TRIOBP: variants seen among roughly 807,000 people sequenced by gnomAD.
The protein encoded by TRIOBP is TRIO and F-actin-binding protein.
Under a neutral mutation model 238.8 loss-of-function variants are expected in TRIOBP, and 169 were observed. The ratio of observed to expected loss-of-function variants is 0.71; its 90% CI spans 0.62 to 0.80. TRIOBP has a LOEUF of 0.80. Among genes scored for constraint, TRIOBP ranks in the 30% least tolerant of loss-of-function variants. TRIOBP has a pLI of 0.00. For missense variants in TRIOBP, 2,838 were observed against 3,122.6 expected (o/e 0.91, Z 2.17); for synonymous variants, 1,150 against 1,274.4 (o/e 0.90, Z 2.08).
chr22:37,771,837 T>G (rs779253799), intron 22 of TRIOBP, 101 bp downstream of exon 22: 8 of 1,046,400 alleles, frequency 7.6e-6, no homozygotes, highest in Non-Finnish European at 1.0e-5. Context: ...ACTCGCTTCA[T>G]CCTTCCTCAG....
Position 37,702,096 on chromosome 22 carries a change from GTC to G in TRIOBP, c.114+620_114+621del, listed in dbSNP as rs766791126. Among the ~76,000 whole-genome samples the G allele has an allele frequency of 2.6e-5, 4 of 152,074 alleles. No individual in the cohort carries two copies. The South Asian group carries it at 6.2e-4, about 24-fold the overall frequency. ...CCAGCCTGGGCAACAGAATGAAACT[GTC>G]TCAAAAAACAAAACAAAACAAAACA... On this transcript the variant is annotated intron_variant, in intron 3 of 23. Transcript: ENST00000644935.
Position 37,725,059 on chromosome 22 carries a change from A to G in TRIOBP, c.2503A>G (p.Lys835Glu). Reference protein sequence around the residue: ...RSSSTQQDNPKTSCTKRDNLR... With the variant: ...RSSSTQQDNPETSCTKRDNLR... Reference sequence around the variant, plus strand: ...ATCTTCTACCCAACAAGACAACCCTAAAACCTCTTGTACCAAACGAGATAA... The same window carrying G: ...ATCTTCTACCCAACAAGACAACCCTGAAACCTCTTGTACCAAACGAGATAA... Residue 835 changes from lysine (K) to glutamate (E), a missense_variant, in exon 7 of 24, where the codon AAA becomes GAA. By Grantham distance (56) the Lys-to-Glu change is moderately conservative. This residue lies in a region of TRIOBP where 2,096 missense variants were observed against 2,137.4 expected (regional missense o/e 0.98). Coordinates refer to ENST00000644935, the MANE Select transcript of TRIOBP (RefSeq NM_001039141.3). 1 of 1,614,204 alleles carries G rather than the reference A, an allele frequency of 6.2e-7. No individual in the cohort carries two copies. The highest frequency in any genetic ancestry group is 8.5e-7 in the Non-Finnish European group (1 of 1,180,038).
rs62236749 is a variant in TRIOBP at position 37,723,752 on chromosome 22, G to A, written c.1196G>A (p.Arg399Gln). The part of the protein sequence containing the change: ...RASSPNRTTQ[R>Q]ENSRTSCAQR... ...TCCTCTCCCAACAGAACCACTCAAC[G>A]AGAGAATTCCAGAACATCCTGTGCC... Residue 399 changes from arginine (R) to glutamine (Q), a missense_variant, in exon 7 of 24, where the codon CGA becomes CAA. Arg to Gln is a conservative substitution (Grantham distance 43). Coordinates refer to ENST00000644935, the MANE Select transcript of TRIOBP (RefSeq NM_001039141.3). 4.4e-6 allele frequency: 7 copies of A among 1,604,708 alleles called. No homozygotes were observed. The highest frequency in any genetic ancestry group is 2.3e-5 in the East Asian group (1 of 44,222).
chr22:37,751,645 T>C, intron 11 of TRIOBP, 127 bp from the exon 12 acceptor site: 1 of 1,068,764 alleles, frequency 9.4e-7, no homozygotes, highest in Non-Finnish European at 1.4e-6. Context: ...CTTAGCCCTC[T>C]TGGCTGGCTT....
rs1923211570 is a variant in TRIOBP at position 37,711,053 on chromosome 22, C to T, written c.254+487C>T. Among the ~76,000 whole-genome samples, 3 of 152,336 alleles carry T rather than the reference C, an allele frequency of 2.0e-5. No individual in the cohort carries two copies. The South Asian group carries it at 6.2e-4, about 32-fold the overall frequency. ...TCTGGGGTTCCTTCCACCCTCAGGC[C>T]TGAGTGGCAGTCCCCCTTTAAGGTC... On this transcript the variant is annotated intron_variant, in intron 4 of 23. Coordinates refer to ENST00000644935, the MANE Select transcript of TRIOBP (RefSeq NM_001039141.3).
At position 37,771,667 on chromosome 22, in the gene TRIOBP, A is replaced by G. The variant is rs749505685; in HGVS notation, c.6867A>G (p.Lys2289=). 10 of 1,614,008 alleles carry G rather than the reference A, an allele frequency of 6.2e-6. No homozygotes were observed. The Admixed American group carries it at 1.5e-4, about 24-fold the overall frequency. The part of the protein sequence containing the change: ...SCELEVLLRV[K]ENELQYLKKE... ...ATCCCCAGGTGCTGCTTCGCGTAAA[A>G]GAAAACGAACTCCAGTACCTAAAGA... The change falls in exon 22 of 24, where the codon AAA becomes AAG. Residue 2289 remains lysine (K), a synonymous_variant. Transcript: ENST00000644935.
Position 37,726,512 on chromosome 22 carries a change from G to A in TRIOBP, c.3947+9G>A, listed in dbSNP as rs775362436. ...TTCGGGCAAGAGCGCAGGTGAGCCC[G>A]GGGGTGGGGTCAGCCAGGTGGGCTG... On this transcript the variant is annotated intron_variant, in intron 7 of 23. Coordinates refer to ENST00000644935, the MANE Select transcript of TRIOBP (RefSeq NM_001039141.3). 8.1e-6 allele frequency: 12 copies of A among 1,476,170 alleles called. No homozygotes were observed. The highest frequency in any genetic ancestry group is 4.2e-5 in the African/African-American group (3 of 71,436). The allele number at this position is 1,476,170 out of a possible 1,614,324, so 91.4% of individuals were successfully genotyped here.
chr22:37,707,866 C>T (rs547289410), intron 3 of TRIOBP, among the ~76,000 whole-genome samples: 230 of 149,108 alleles, frequency 1.5e-3, no homozygotes, highest in Non-Finnish European at 2.9e-3. Flanking sequence ...TGCTTGAACC[C>T]GGGAGGCAGA....
intron 9 of TRIOBP, 143 bp from the exon 10 acceptor site, chr22:37,738,491 CTGGATGGT>C: frequency 4.0e-6 from 3 of 748,360 alleles, no homozygotes; most frequent in South Asian, 1.5e-5. Context: ...GTGATAGACA[CTGGATGGT>C]TGGATGGATA....
chr22:37,759,857 T>C, intron 17 of TRIOBP: 1 of 935,666 alleles, frequency 1.1e-6, no homozygotes, highest in Non-Finnish European at 1.4e-6. Flanking sequence ...AGAAAAAACG[T>C]GTGTGTGTAC....
Position 37,723,807 on chromosome 22 carries a change from C to T in TRIOBP, c.1251C>T (p.Thr417=). 1 of 1,599,438 alleles carries T rather than the reference C, an allele frequency of 6.3e-7. No homozygotes were observed. Among genetic ancestry groups the T allele is most frequent in the Non-Finnish European group, 8.5e-7 (1 of 1,170,186 alleles). ...GGGACAATCCCAAAGCCTCCAGAACCTCCTCTCCCAATAGAGCCACACGAG... is the reference window on the plus strand; with the variant it reads ...GGGACAATCCCAAAGCCTCCAGAACTTCCTCTCCCAATAGAGCCACACGAG... ...AQRDNPKASR[T]SSPNRATRDN... The change falls in exon 7 of 24, where the codon ACC becomes ACT. Residue 417 remains threonine (T), a synonymous_variant. Coordinates refer to ENST00000644935, the MANE Select transcript of TRIOBP (RefSeq NM_001039141.3).
chr22:37,744,904 C>T (rs1925140627), intron 11 of TRIOBP, among the ~76,000 whole-genome samples: 1 of 151,994 alleles, frequency 6.6e-6, no homozygotes, highest in Admixed American at 6.6e-5. Context: ...CTCGCTCCGT[C>T]TCCCAAGGTG....
rs11428898 is a variant in TRIOBP, at chr22:37,754,417, CA to C, written c.5380-441del. ...CAACAAGAGCAAAACTCCTCCATCT[CA>C]AAAAAAAAAAAAAAAAAAGGCAGCA... On this transcript the variant is annotated intron_variant, in intron 12 of 23. Transcript: ENST00000644935. 8.0e-3 allele frequency among the ~76,000 whole-genome samples: 663 copies of C among 82,826 alleles called. 3 individuals carry two copies. Among genetic ancestry groups the C allele is most frequent in the African/African-American group, 0.016 (363 of 22,510 alleles). 54.3% of individuals were successfully genotyped at this position (82,826 alleles called of 152,430 possible). A position where few individuals can be genotyped will look rare whatever the true frequency, so the allele number is the denominator to read the frequency against.
chr22:37,719,105 A>G (rs985853855), intron 6 of TRIOBP, among the ~76,000 whole-genome samples: 1 of 149,264 alleles, frequency 6.7e-6, no homozygotes, highest in Non-Finnish European at 1.5e-5. Flanking sequence ...CGGGATGCTG[A>G]GGCAGGAGGA....
rs572969683 is a variant in TRIOBP, at chr22:37,725,774, C to T, written c.3218C>T (p.Ala1073Val). The change falls in exon 7 of 24, where the codon GCG (alanine) becomes GTG (valine). Residue 1073 changes from alanine to valine, a missense_variant. By Grantham distance (64) the Ala-to-Val change is moderately conservative. Transcript: ENST00000644935. ...VCIGHRDAPR[A>V]SSPPRHTQFD... is the part of the protein sequence containing the mutation. ...ATTGGACACCGAGATGCCCCCCGGG[C>T]GTCCTCGCCCCCCCGCCACACCCAA... The T allele has an allele frequency of 2.1e-5, 33 of 1,609,100 alleles. No individual in the cohort carries two copies. The Admixed American group carries it at 3.8e-4, about 19-fold the overall frequency.
intron 7 of TRIOBP, among the ~76,000 whole-genome samples, chr22:37,729,943 G>A (rs775996127): frequency 9.2e-5 from 14 of 152,128 alleles, no homozygotes; most frequent in Non-Finnish European, 1.3e-4. Flanking sequence ...TTTCCTCATC[G>A]ATATGTATTT....
At chr22:37,772,504 C>T (rs1926833614) in intron 22 of TRIOBP, 97 bp from the exon 23 acceptor site, 2 of 1,567,654 alleles carry the variant, frequency 1.3e-6, no homozygotes, top group South Asian at 2.2e-5. Context: ...AGCGAGGTAT[C>T]TGCGGGGAGG....
In TRIOBP at chr22:37,724,727, G is replaced by T. The variant is rs772496744; in HGVS notation, c.2171G>T (p.Cys724Phe). The T allele has an allele frequency of 1.2e-6, 2 of 1,608,814 alleles. No homozygotes were observed. The highest frequency in any genetic ancestry group is 3.4e-5 in the Admixed American group (2 of 59,504). The change falls in exon 7 of 24, where the codon TGT (cysteine) becomes TTT (phenylalanine). Residue 724 changes from cysteine (C) to phenylalanine (F), a missense_variant. Cys to Phe is a radical substitution (Grantham distance 205, BLOSUM62 -2). Around this residue, in one of 5 missense-constraint regions of TRIOBP, gnomAD observed 167 missense variants for 200.2 expected, o/e 0.83. Transcript: ENST00000644935. ...CAACAAGAGAACCCCAGAACATCCTGTGCCCGACGGGACAATCCCAGAGCC... is the reference window on the plus strand; with the variant it reads ...CAACAAGAGAACCCCAGAACATCCTTTGCCCGACGGGACAATCCCAGAGCC... The part of the protein sequence containing the change: ...TTQQENPRTS[C>F]ARRDNPRASS...
At chr22:37,720,662 G>A (rs1276760297) in intron 6 of TRIOBP, among the ~76,000 whole-genome samples, 1 of 152,108 alleles carries the variant, frequency 6.6e-6, no homozygotes, top group African/African-American at 2.4e-5. Flanking sequence ...GAGAGAAACA[G>A]GTGAATATGG....
Sources: gnomAD v4.1 joint callset for allele counts (sites outside exome capture counted in the v4.1 genomes callset) on GRCh38, gnomAD v4.1.1 for gene constraint, gnomAD v4.1.1 regional missense constraint, MANE v1.5 for transcripts, NCBI Gene and HGNC (gene_info 2026-07-23, HGNC 2026-07-21) for gene names.